CDH18: variants seen among roughly 807,000 people sequenced by gnomAD.
CDH18 encodes the protein cadherin-18.
Under a neutral mutation model 67.9 loss-of-function variants are expected in CDH18, and 31 were observed. That is an observed-to-expected ratio of 0.46 (90% CI 0.34 to 0.62). CDH18 has a LOEUF of 0.62. Among genes scored for constraint, CDH18 ranks in the 20% least tolerant of loss-of-function variants. The probability of loss-of-function intolerance (pLI) is 0.01; values close to 1 mark genes in which losing one functional copy is unlikely to be tolerated. For synonymous variants in CDH18, 362 were observed against 347.2 expected, an observed-to-expected ratio of 1.04 and a Z score of -0.48; for missense variants, 890 against 975.5, an observed-to-expected ratio of 0.91 and a Z score of 1.17.
rs929721773 is a variant in CDH18, at chr5:19,472,290, C to A, written c.*936G>T. Among the ~76,000 whole-genome samples, 1 of 151,412 alleles carries A rather than the reference C, an allele frequency of 6.6e-6. No individual in the cohort carries two copies. Among genetic ancestry groups the A allele is most frequent in the Non-Finnish European group, 1.5e-5 (1 of 67,920 alleles). ...TTAGACTGAAGTACAAACCAGCCAG[C>A]AAAATATTTGACAATTAATTTTAAA... On this transcript the variant is annotated 3_prime_UTR_variant, in exon 13 of 13. Transcript: ENST00000382275.
At chr5:19,496,811 CAAA>C (rs777601146) in intron 11 of CDH18, among the ~76,000 whole-genome samples, 2 of 75,198 alleles carry the variant, frequency 2.7e-5, no homozygotes, top group Non-Finnish European at 5.0e-5. Context: ...GACTCCATCT[CAAA>C]AAAAAAAAAA....
intron 3 of CDH18, among the ~76,000 whole-genome samples, chr5:19,781,731 G>A (rs1392577453): frequency 6.6e-6 from 1 of 152,098 alleles, no homozygotes; most frequent in African/African-American, 2.4e-5. Flanking sequence ...AATAGTCTGA[G>A]TCCAGAGAGA....
chr5:19,656,286 T>C (rs928238011), intron 5 of CDH18, among the ~76,000 whole-genome samples: 29 of 152,214 alleles, frequency 1.9e-4, no homozygotes, highest in African/African-American at 6.7e-4. Context: ...ATAATAATAA[T>C]TCGTGTTTTT....
chr5:20,156,436 G>A (rs955721711), intron 2 of CDH18, among the ~76,000 whole-genome samples: 12 of 152,110 alleles, frequency 7.9e-5, no homozygotes, highest in Non-Finnish European at 1.5e-5. Context: ...CAACAACATG[G>A]ATGCAGCTGG....
chr5:20,304,975 T>G, intron 1 of CDH18: 2 of 1,613,952 alleles, frequency 1.2e-6, no homozygotes, highest in African/African-American at 2.7e-5. Context: ...GGCGGCCAAC[T>G]GCTTGTGATA....
intron 1 of CDH18, among the ~76,000 whole-genome samples, chr5:20,417,899 G>A (rs1431476659): frequency 1.3e-5 from 2 of 152,042 alleles, no homozygotes; most frequent in African/African-American, 2.4e-5. Context: ...CTGTAGTTCC[G>A]AGGACATACC....
intron 1 of CDH18, among the ~76,000 whole-genome samples, chr5:20,570,641 T>C (rs1357672889): frequency 6.6e-6 from 1 of 152,108 alleles, no homozygotes; most frequent in Non-Finnish European, 1.5e-5. Context: ...TGGGCCAAGA[T>C]CCTCTCATTC....
chr5:19,529,279 T>G lies in CDH18; in HGVS notation c.1391-8501A>C, dbSNP rs347695. ...CACACATAATAAAAGTTAACAAATA[T>G]GACATTTTTAACAAGAAATAAAGAA... On this transcript the variant is annotated intron_variant, in intron 9 of 12. Coordinates refer to ENST00000382275, the MANE Select transcript of CDH18 (RefSeq NM_004934.5). Among the ~76,000 whole-genome samples, 82 of 151,894 alleles carry G rather than the reference T, an allele frequency of 5.4e-4. 1 individual carries two copies. The highest frequency in any genetic ancestry group is 5.4e-3 in the Admixed American group (82 of 15,262).
intron 5 of CDH18, among the ~76,000 whole-genome samples, chr5:19,718,633 G>T (rs1422423112): frequency 6.6e-6 from 1 of 151,838 alleles, no homozygotes; most frequent in South Asian, 2.1e-4. Flanking sequence ...AACTCTCTAA[G>T]ATACTTGCAT....
chr5:20,186,178 G>T (rs1580431705), intron 2 of CDH18, among the ~76,000 whole-genome samples: 4 of 151,978 alleles, frequency 2.6e-5, no homozygotes, highest in African/African-American at 7.2e-5. Flanking sequence ...CTTAATATAA[G>T]CCCTAAAACT....
At chr5:19,772,166 C>A (rs1773804064) in intron 3 of CDH18, among the ~76,000 whole-genome samples, 1 of 152,122 alleles carries the variant, frequency 6.6e-6, no homozygotes, top group African/African-American at 2.4e-5. Flanking sequence ...CTTTTTCCTA[C>A]CCACAGCCCA....
intron 1 of CDH18, among the ~76,000 whole-genome samples, chr5:20,378,809 T>G (rs2150096829): frequency 6.6e-6 from 1 of 152,264 alleles, no homozygotes; most frequent in South Asian, 2.1e-4. Flanking sequence ...TCTCAATGCT[T>G]TGGGTCTTAT....
chr5:19,530,353 C>G (rs2126973497), intron 9 of CDH18, among the ~76,000 whole-genome samples: 1 of 151,736 alleles, frequency 6.6e-6, no homozygotes, highest in East Asian at 1.9e-4. Context: ...TTTTTGTTAC[C>G]TTTTGTTTGG....
chr5:20,198,769 G>A (rs965065490), intron 2 of CDH18, among the ~76,000 whole-genome samples: 6 of 152,136 alleles, frequency 3.9e-5, no homozygotes, highest in African/African-American at 1.4e-4. Context: ...GTGATTTCCT[G>A]GGCCTGGCCC....
In CDH18 at chr5:20,526,085, G is replaced by A. The variant is rs569322429; in HGVS notation, c.-580+49377C>T. 7.2e-4 allele frequency among the ~76,000 whole-genome samples: 110 copies of A among 152,078 alleles called. 1 individual carries two copies. Among genetic ancestry groups the A allele is most frequent in the African/African-American group, 2.6e-3 (106 of 41,364 alleles). On this transcript the variant is annotated intron_variant, in intron 1 of 14. Transcript: ENST00000507958. ...GCTGGGTTTTCCCCTGCCAGTGCAA[G>A]GGAGGCTGGGAGGTTTGGACTGGGT...
chr5:20,172,221 T>C (rs1246680317), intron 2 of CDH18, among the ~76,000 whole-genome samples: 38 of 78,296 alleles, frequency 4.9e-4, no homozygotes, highest in Middle Eastern at 6.3e-3. Context: ...TATATATATA[T>C]ATGTATATAT....
chr5:19,489,250 CTTTTT>C (rs1237810466), intron 11 of CDH18, among the ~76,000 whole-genome samples: 1 of 128,130 alleles, frequency 7.8e-6, no homozygotes. Flanking sequence ...TTTTTTTTTT[CTTTTT>C]TTTTTTTTTT....
intron 3 of CDH18, among the ~76,000 whole-genome samples, chr5:19,836,757 G>A (rs1278043302): frequency 1.3e-5 from 2 of 152,184 alleles, no homozygotes; most frequent in East Asian, 3.9e-4. Flanking sequence ...CCTACATCCT[G>A]AATATTATTG....
chr5:19,798,202 G>A (rs926188731), intron 3 of CDH18, among the ~76,000 whole-genome samples: 1 of 151,990 alleles, frequency 6.6e-6, no homozygotes, highest in Non-Finnish European at 1.5e-5. Context: ...AATGGGACAA[G>A]GAGATGTGGG....
Sources: gnomAD v4.1 joint callset for allele counts (sites outside exome capture counted in the v4.1 genomes callset) on GRCh38, gnomAD v4.1.1 for gene constraint, MANE v1.5 for transcripts, NCBI Gene and HGNC (gene_info 2026-07-23, HGNC 2026-07-21) for gene names.